NOTCH2: variants seen among roughly 807,000 people sequenced by gnomAD.
NOTCH2 encodes the protein notch receptor 2, also known as neurogenic locus notch homolog protein 2.
NOTCH2 carries 29 observed loss-of-function variants against 235.8 expected under a neutral mutation model. That is an observed-to-expected ratio of 0.12 (90% CI 0.09 to 0.17). The LOEUF (loss-of-function observed/expected upper bound fraction) is 0.17, where lower values mean the gene tolerates loss of function less well. NOTCH2 is among the 10% of genes least tolerant of loss of function. NOTCH2 has a pLI of 1.00. For synonymous variants in NOTCH2, 1,086 were observed against 1,141.5 expected, an observed-to-expected ratio of 0.95 and a Z score of 0.98; for missense variants, 2,285 against 3,150.2, an observed-to-expected ratio of 0.73 and a Z score of 6.57.
chr1:119,963,977 TG>T (rs1275873257), intron 10 of NOTCH2, among the ~76,000 whole-genome samples, 170 bp from the exon 11 acceptor site: 5 of 152,352 alleles, frequency 3.3e-5, no homozygotes, highest in Admixed American at 6.5e-5. Flanking sequence ...AAAGTATGCC[TG>T]GAGAGAGGTG....
intron 3 of NOTCH2, among the ~76,000 whole-genome samples, chr1:119,997,973 C>CA (rs4020948): frequency 0.07 from 8,242 of 117,388 alleles, 573 homozygotes; most frequent in African/African-American, 0.21. Flanking sequence ...GACTCTATTT[C>CA]AAAAAAAAAA....
chr1:119,916,134 C>G lies in NOTCH2; in HGVS notation c.6588G>C (p.Gln2196His), dbSNP rs753593465. The change falls in exon 34 of 34, where the codon CAG (glutamine) becomes CAC (histidine). Residue 2196 changes from glutamine to histidine, a missense_variant. Gln to His is a conservative substitution (Grantham distance 24, BLOSUM62 0). Coordinates refer to ENST00000256646, the MANE Select transcript of NOTCH2 (RefSeq NM_024408.4). Reference sequence around the variant, plus strand: ...GAAGGTTAGAAAAAGATAGTGCATGCTGGGCATGGACTGGGGCAGGAGGGG... The same window carrying G: ...GAAGGTTAGAAAAAGATAGTGCATGGTGGGCATGGACTGGGGCAGGAGGGG... ...TAAPPAPVHA[Q>H]HALSFSNLHE... 4 of 1,614,010 alleles carry G rather than the reference C, an allele frequency of 2.5e-6. No individual in the cohort carries two copies. Among genetic ancestry groups the G allele is most frequent in the Non-Finnish European group, 3.4e-6 (4 of 1,180,014 alleles).
Position 120,069,422 on chromosome 1 carries a change from C to T in NOTCH2, c.-16G>A. ...GGGCGGGCATCTTCTCGGTCGCCTC[C>T]TCCTCCGCCGCCGCCGCCGCCGCCT... On this transcript the variant is annotated 5_prime_UTR_variant, in exon 1 of 34. Transcript: ENST00000256646. 5 of 1,538,802 alleles carry T rather than the reference C, an allele frequency of 3.2e-6. No individual in the cohort carries two copies. Among genetic ancestry groups the T allele is most frequent in the Non-Finnish European group, 4.3e-6 (5 of 1,150,490 alleles).
At chr1:120,037,711 G>A (rs1229343066) in intron 1 of NOTCH2, among the ~76,000 whole-genome samples, 3 of 151,366 alleles carry the variant, frequency 2.0e-5, no homozygotes, top group African/African-American at 4.8e-5. Context: ...GAGATAAATC[G>A]ATTTTGTTTT....
intron 26 of NOTCH2, among the ~76,000 whole-genome samples, 194 bp downstream of exon 26, chr1:119,923,443 C>G (rs1649354364): frequency 6.6e-6 from 1 of 152,186 alleles, no homozygotes; most frequent in South Asian, 2.1e-4. Flanking sequence ...GTACCCCTGC[C>G]CACTTTTCAG....
chr1:119,931,103 A>T (rs76732188), intron 22 of NOTCH2, among the ~76,000 whole-genome samples: 3 of 138,922 alleles, frequency 2.2e-5, no homozygotes, highest in South Asian at 2.3e-4. Flanking sequence ...ACTCTGTCTT[A>T]AAAAAAAAAA....
rs372402012 is a variant in NOTCH2, at chr1:119,939,433, T to C, written c.3183+1122A>G. 3.9e-5 allele frequency among the ~76,000 whole-genome samples: 6 copies of C among 152,390 alleles called. No homozygotes were observed. The East Asian group carries it at 7.7e-4, about 20-fold the overall frequency. ...GAGTTAAAGCTGTCAGACAGGTTCATACTTTCTGTGCTAATCCTGTGTGAG... is the reference window on the plus strand; with the variant it reads ...GAGTTAAAGCTGTCAGACAGGTTCACACTTTCTGTGCTAATCCTGTGTGAG... On this transcript the variant is annotated intron_variant, in intron 19 of 33. Transcript: ENST00000256646.
intron 7 of NOTCH2, 27 bp from the exon 8 acceptor site, chr1:119,967,648 G>T (rs782539387): frequency 6.2e-7 from 1 of 1,608,008 alleles, no homozygotes; most frequent in Non-Finnish European, 8.5e-7. Flanking sequence ...CCAATTACTG[G>T]GATCAAAGCA....
intron 22 of NOTCH2, among the ~76,000 whole-genome samples, chr1:119,931,464 TTTA>T (rs1649658418): frequency 6.6e-6 from 1 of 152,040 alleles, no homozygotes; most frequent in South Asian, 2.1e-4. Context: ...TCAACAGGAA[TTTA>T]TTAACAGACA....
intron 12 of NOTCH2, 26 bp downstream of exon 12, chr1:119,959,366 G>A: frequency 1.7e-6 from 2 of 1,184,776 alleles, no homozygotes; most frequent in South Asian, 1.2e-5. Context: ...GCTGAAGGAG[G>A]GGCCTTGCAG....
Position 119,937,431 on chromosome 1 carries a change from C to T in NOTCH2, c.3373G>A (p.Val1125Ile), listed in dbSNP as rs1199134768. 2 of 1,613,832 alleles carry T rather than the reference C, an allele frequency of 1.2e-6. No individual in the cohort carries two copies. Among genetic ancestry groups the T allele is most frequent in the African/African-American group, 2.7e-5 (2 of 74,926 alleles). ...TGCGTGTTGCCAGCATTGATGCAGA[C>T]ACCTGAGTGCTGGCACAAGTGTTCA... ...LVEHLCQHSG[V>I]CINAGNTHYC... The change falls in exon 21 of 34, where the codon GTC (valine) becomes ATC (isoleucine). Residue 1125 changes from valine to isoleucine, a missense_variant. Around this residue, in one of 6 missense-constraint regions of NOTCH2, gnomAD observed 1,173 missense variants for 1,515.3 expected, o/e 0.77. Coordinates refer to ENST00000256646, the MANE Select transcript of NOTCH2 (RefSeq NM_024408.4).
chr1:119,934,121 A>G (rs1649763429), intron 22 of NOTCH2, among the ~76,000 whole-genome samples: 1 of 152,252 alleles, frequency 6.6e-6, no homozygotes, highest in African/African-American at 2.4e-5. Context: ...TATAGCTTGA[A>G]GTTTGACTGC....
chr1:120,014,818 A>T (rs1653365505), intron 2 of NOTCH2, among the ~76,000 whole-genome samples: 1 of 124,176 alleles, frequency 8.1e-6, no homozygotes, highest in South Asian at 3.0e-4. Flanking sequence ...GAAAAGCTTA[A>T]AACAGTGTAG....
chr1:119,980,983 C>T (rs782601453), intron 5 of NOTCH2, among the ~76,000 whole-genome samples: 11 of 152,238 alleles, frequency 7.2e-5, no homozygotes, highest in African/African-American at 2.6e-4. Context: ...GGATGTTTCT[C>T]ATACTTCGGG....
intron 22 of NOTCH2, among the ~76,000 whole-genome samples, chr1:119,932,648 T>C (rs1480559078): frequency 6.7e-6 from 1 of 150,124 alleles, no homozygotes; most frequent in Non-Finnish European, 1.5e-5. Flanking sequence ...TCTATCTATC[T>C]ATCTCAGAGA....
chr1:119,926,301 C>T (rs1649469419), intron 24 of NOTCH2, among the ~76,000 whole-genome samples, 198 bp downstream of exon 24: 2 of 152,168 alleles, frequency 1.3e-5, no homozygotes, highest in Non-Finnish European at 2.9e-5. Flanking sequence ...GTCTAAACAG[C>T]TTTTATTTGT....
chr1:120,004,674 G>T (rs1652891991), intron 3 of NOTCH2, among the ~76,000 whole-genome samples: 1 of 152,142 alleles, frequency 6.6e-6, no homozygotes, highest in Admixed American at 6.5e-5. Flanking sequence ...TAGGGAGGGA[G>T]ATTTCTAAAA....
At chr1:119,946,026 A>G (rs1156938449) in intron 17 of NOTCH2, among the ~76,000 whole-genome samples, 1 of 152,128 alleles carries the variant, frequency 6.6e-6, no homozygotes, top group Non-Finnish European at 1.5e-5. Flanking sequence ...CTAATAGACT[A>G]TTAAAGCACA....
At chr1:120,068,958 C>T (rs1158081839) in intron 1 of NOTCH2, 72 of 931,766 alleles carry the variant, frequency 7.7e-5, no homozygotes, top group Non-Finnish European at 1.1e-4. Context: ...CTCAGCCCCT[C>T]CGAGGCCCGC....
Sources: allele counts gnomAD v4.1 joint callset (sites outside exome capture counted in the v4.1 genomes callset), GRCh38; gene constraint gnomAD v4.1.1; regional missense constraint gnomAD v4.1.1; transcripts MANE v1.5; gene names NCBI Gene and HGNC (gene_info 2026-07-23, HGNC 2026-07-21).